The following COX7B2 variants were observed in gnomAD, a reference collection of about 807,000 sequenced individuals.
COX7B2 encodes the protein cytochrome c oxidase subunit 7B2.
For missense variants in COX7B2, 109 were observed against 95.9 expected, an observed-to-expected ratio of 1.14 and a Z score of -0.57; for synonymous variants, 37 against 32.1, an observed-to-expected ratio of 1.15 and a Z score of -0.51.
chr4:46,861,115 G>A (rs919209462), intron 1 of COX7B2, among the ~76,000 whole-genome samples: 3 of 152,118 alleles, frequency 2.0e-5, no homozygotes, highest in Non-Finnish European at 2.9e-5. Flanking sequence ...TCCCTTCTAC[G>A]AGTGTGGTGG....
At chr4:46,759,132 A>G (rs1715974293) in intron 2 of COX7B2, among the ~76,000 whole-genome samples, 1 of 152,152 alleles carries the variant, frequency 6.6e-6, no homozygotes, top group Admixed American at 6.6e-5. Context: ...CTGGAAAGAT[A>G]TACTTCTATC....
intron 1 of COX7B2, among the ~76,000 whole-genome samples, chr4:46,873,294 G>C (rs917395088): frequency 6.6e-6 from 1 of 152,162 alleles, no homozygotes; most frequent in Non-Finnish European, 1.5e-5. Context: ...ACGTATGCAT[G>C]TGTCTTTATA....
intron 2 of COX7B2, among the ~76,000 whole-genome samples, chr4:46,782,984 A>C (rs1717564190): frequency 6.6e-6 from 1 of 152,198 alleles, no homozygotes; most frequent in Non-Finnish European, 1.5e-5. Context: ...TCCGGACATA[A>C]TACTATATTT....
At chr4:46,794,287 C>T (rs207464666) in intron 2 of COX7B2, among the ~76,000 whole-genome samples, 1 of 152,146 alleles carries the variant, frequency 6.6e-6, no homozygotes, top group East Asian at 1.9e-4. Context: ...AACAGAGATT[C>T]TGCATTTAAT....
In COX7B2 at chr4:46,787,791, C is replaced by T. The variant is rs73139383; in HGVS notation, c.-49-52550G>A. On this transcript the variant is annotated intron_variant, in intron 2 of 2. Transcript: ENST00000355591. ...AATTCTGTAATGGTTCACAGCTTGC[C>T]TTGGCTCTACTTACTTTGTGTGTTC... Among the ~76,000 whole-genome samples the T allele has an allele frequency of 5.3e-3, 803 of 152,318 alleles. 9 individuals are homozygous for T. Among genetic ancestry groups the T allele is most frequent in the African/African-American group, 0.018 (766 of 41,566 alleles).
At chr4:46,821,910 G>A (rs1442856059) in intron 2 of COX7B2, among the ~76,000 whole-genome samples, 47 of 148,292 alleles carry the variant, frequency 3.2e-4, no homozygotes, top group Admixed American at 3.2e-3. Flanking sequence ...TGTTTGTTTT[G>A]TTTGTTTGTT....
chr4:46,844,916 G>C (rs186094622), intron 2 of COX7B2, 44 bp downstream of exon 2: 207 of 152,054 alleles, frequency 1.4e-3, no homozygotes, highest in African/African-American at 4.8e-3. Flanking sequence ...CTTTGTGAAA[G>C]TGTAATGTAG....
At position 46,814,873 on chromosome 4, in the gene COX7B2, T is replaced by G. The variant is rs557335944; in HGVS notation, c.-50+30087A>C. On this transcript the variant is annotated intron_variant, in intron 2 of 2. Transcript: ENST00000355591. ...TATATCCTTAGTATATTCCAATAAATTAGATGTGGTTTAAGAAAATGTCAC... is the reference window on the plus strand; with the variant it reads ...TATATCCTTAGTATATTCCAATAAAGTAGATGTGGTTTAAGAAAATGTCAC... 1.8e-4 allele frequency among the ~76,000 whole-genome samples: 28 copies of G among 152,232 alleles called. 1 individual carries two copies. Among genetic ancestry groups the G allele is most frequent in the African/African-American group, 6.0e-4 (25 of 41,556 alleles).
intron 1 of COX7B2, among the ~76,000 whole-genome samples, chr4:46,902,618 G>T (rs1238512646): frequency 6.6e-6 from 1 of 152,128 alleles, no homozygotes; most frequent in South Asian, 2.1e-4. Context: ...TTTGAACCCC[G>T]AATTCTCCAA....
intron 1 of COX7B2, among the ~76,000 whole-genome samples, chr4:46,893,730 C>T (rs781287418): frequency 1.3e-5 from 2 of 152,162 alleles, no homozygotes; most frequent in African/African-American, 4.8e-5. Flanking sequence ...ACAAAAAGCA[C>T]CAATCTTTCT....
intron 2 of COX7B2, among the ~76,000 whole-genome samples, chr4:46,784,355 G>T (rs151135872): frequency 2.9e-3 from 442 of 152,214 alleles, no homozygotes; most frequent in Middle Eastern, 6.8e-3. Context: ...GGCCGGGTGC[G>T]GTGGCTTATG....
intron 2 of COX7B2, among the ~76,000 whole-genome samples, chr4:46,758,936 ACT>A (rs1218566572): frequency 6.6e-6 from 1 of 152,120 alleles, no homozygotes; most frequent in Admixed American, 6.6e-5. Context: ...AGAAAAATTA[ACT>A]CTCTCAAATC....
chr4:46,737,617 A>G (rs758749086), intron 2 of COX7B2, among the ~76,000 whole-genome samples: 4 of 152,186 alleles, frequency 2.6e-5, no homozygotes, highest in African/African-American at 9.6e-5. Flanking sequence ...GCATTTCATA[A>G]TAGCCAAAAT....
intron 2 of COX7B2, among the ~76,000 whole-genome samples, chr4:46,802,285 C>A (rs550958944): frequency 1.1e-4 from 16 of 152,072 alleles, no homozygotes; most frequent in Non-Finnish European, 2.1e-4. Context: ...GTTTTGTCTG[C>A]ATGTTTCACT....
In COX7B2 at chr4:46,829,797, AG is replaced by A. The variant is rs148876380; in HGVS notation, c.-50+15162del. Reference sequence around the variant, plus strand: ...GTTTACACAATATATTATACCATATAGGAAGTGACATAAAATAACAGCAAAA... The same window carrying A: ...GTTTACACAATATATTATACCATATAGAAGTGACATAAAATAACAGCAAAA... On this transcript the variant is annotated intron_variant, in intron 2 of 2. Transcript: ENST00000355591. Among the ~76,000 whole-genome samples the A allele has an allele frequency of 1.6e-3, 247 of 152,356 alleles. 3 individuals carry two copies. The East Asian group carries it at 0.042, about 26-fold the overall frequency.
chr4:46,752,170 C>G (rs1715426714), intron 2 of COX7B2, among the ~76,000 whole-genome samples: 1 of 152,020 alleles, frequency 6.6e-6, no homozygotes, highest in African/African-American at 2.4e-5. Context: ...ATTTTATTCT[C>G]TTTGAAGCAA....
Position 46,805,730 on chromosome 4 carries a change from T to C in COX7B2, c.-50+39230A>G, listed in dbSNP as rs183551008. On this transcript the variant is annotated intron_variant, in intron 2 of 2. Transcript: ENST00000355591. ...CCCCTTTTTATTTTCATCCAGTTTATGGATTTTCGTAGATCAATGTAATTT... is the reference window on the plus strand; with the variant it reads ...CCCCTTTTTATTTTCATCCAGTTTACGGATTTTCGTAGATCAATGTAATTT... Among the ~76,000 whole-genome samples, 167 of 152,332 alleles carry C rather than the reference T, an allele frequency of 1.1e-3. 2 individuals are homozygous for C. The highest frequency in any genetic ancestry group is 0.01 in the Admixed American group (160 of 15,306).
At chr4:46,779,430 A>C (rs1717323127) in intron 2 of COX7B2, among the ~76,000 whole-genome samples, 1 of 152,192 alleles carries the variant, frequency 6.6e-6, no homozygotes, top group Admixed American at 6.5e-5. Flanking sequence ...CATTGATGGA[A>C]ACAGATTGTT....
chr4:46,749,200 T>A (rs28663436), intron 2 of COX7B2, among the ~76,000 whole-genome samples: 1 of 151,970 alleles, frequency 6.6e-6, no homozygotes. Flanking sequence ...GCAAGTTAAA[T>A]GTAGAAATAA....
Sources: allele counts gnomAD v4.1 joint callset (sites outside exome capture counted in the v4.1 genomes callset), GRCh38; gene constraint gnomAD v4.1.1; transcripts MANE v1.5; gene names NCBI Gene and HGNC (gene_info 2026-07-23, HGNC 2026-07-21).